Variants in TRPC4 observed in about 807,000 individuals in gnomAD.
TRPC4 encodes transient receptor potential cation channel subfamily C member 4, also known as short transient receptor potential channel 4.
A neutral mutation model predicts 99.4 loss-of-function variants in TRPC4; 49 were observed. That is an observed-to-expected ratio of 0.49 (90% confidence interval 0.39 to 0.63). The LOEUF (loss-of-function observed/expected upper bound fraction) is 0.63, where lower values mean the gene tolerates loss of function less well. Among genes scored for constraint, TRPC4 ranks in the 20% least tolerant of loss-of-function variants. The probability of loss-of-function intolerance (pLI) is 0.00; values close to 1 mark genes in which losing one functional copy is unlikely to be tolerated. For missense variants in TRPC4, 898 were observed against 1,152.9 expected, an observed-to-expected ratio of 0.78 and a Z score of 3.20; for synonymous variants, 454 against 425.9, an observed-to-expected ratio of 1.07 and a Z score of -0.81.
chr13:37,826,323 T>C (rs1958206256), intron 1 of TRPC4, among the ~76,000 whole-genome samples: 1 of 104,970 alleles, frequency 9.5e-6, no homozygotes, highest in Non-Finnish European at 1.9e-5. Context: ...ATTATGATGT[T>C]AGCTGGTGAT....
chr13:37,753,854 A>G (rs1326901072), intron 2 of TRPC4, among the ~76,000 whole-genome samples: 2 of 152,112 alleles, frequency 1.3e-5, no homozygotes, highest in Non-Finnish European at 2.9e-5. Flanking sequence ...ATTAGGGCCA[A>G]TGGCCCTTCC....
In TRPC4 at chr13:37,633,027, G is replaced by C. The variant is rs187935746; in HGVS notation, c.*3876C>G. Among the ~76,000 whole-genome samples, 19 of 152,106 alleles carry C rather than the reference G, an allele frequency of 1.2e-4. No individual in the cohort carries two copies. Among genetic ancestry groups the C allele is most frequent in the Admixed American group, 1.2e-3 (18 of 15,258 alleles). ...CCCAACTTGACCACCAAACACATGG[G>C]TAAATTTAGATAATTTCCATAAATT... On this transcript the variant is annotated 3_prime_UTR_variant, in exon 11 of 11. Transcript: ENST00000379705.
chr13:37,703,829 C>G (rs1954181139), intron 3 of TRPC4, among the ~76,000 whole-genome samples: 1 of 151,870 alleles, frequency 6.6e-6, no homozygotes, highest in Admixed American at 6.6e-5. Context: ...CATTCTTACT[C>G]TAGGCATTTA....
At chr13:37,741,429 A>T (rs935334083) in intron 3 of TRPC4, among the ~76,000 whole-genome samples, 2 of 152,168 alleles carry the variant, frequency 1.3e-5, no homozygotes, top group Admixed American at 1.3e-4. Context: ...TTTTAAGGGT[A>T]TGACTACATG....
At chr13:37,840,964 T>C (rs1259789450) in intron 1 of TRPC4, among the ~76,000 whole-genome samples, 4 of 152,072 alleles carry the variant, frequency 2.6e-5, no homozygotes, top group Admixed American at 1.3e-4. Flanking sequence ...AGTAATTAAT[T>C]CACTTTGAAT....
intron 1 of TRPC4, among the ~76,000 whole-genome samples, chr13:37,827,954 G>A (rs1374236080): frequency 2.0e-5 from 3 of 152,120 alleles, no homozygotes; most frequent in African/African-American, 7.2e-5. Context: ...TCCGAGCCAG[G>A]TGCGGGATAT....
rs117748858 is a variant in TRPC4 at position 37,856,585 on chromosome 13, A to C, written c.-28+13010T>G. 9.0e-3 allele frequency among the ~76,000 whole-genome samples: 1,361 copies of C among 151,674 alleles called. 35 individuals carry two copies. In the East Asian group the frequency reaches 0.1, roughly 11 times the overall value. On this transcript the variant is annotated intron_variant, in intron 1 of 10. Coordinates refer to ENST00000379705, the MANE Select transcript of TRPC4 (RefSeq NM_016179.4). ...GACAAAGACACATTAAAAAAAAAGA[A>C]AACTGCAGGCCAATATCTCTGATGA...
chr13:37,792,146 G>A (rs927923247), intron 1 of TRPC4, among the ~76,000 whole-genome samples: 1 of 152,146 alleles, frequency 6.6e-6, no homozygotes, highest in Non-Finnish European at 1.5e-5. Context: ...CAATAAACCA[G>A]TGAGTTTCAT....
chr13:37,818,351 T>C (rs1957921287), intron 1 of TRPC4, among the ~76,000 whole-genome samples: 1 of 152,020 alleles, frequency 6.6e-6, no homozygotes, highest in Non-Finnish European at 1.5e-5. Context: ...ACACTGTTGG[T>C]GGGAGTGTAA....
intron 3 of TRPC4, among the ~76,000 whole-genome samples, chr13:37,709,113 G>T (rs1399411141): frequency 6.6e-6 from 1 of 151,812 alleles, no homozygotes. Context: ...AAAAACACTG[G>T]GGATGAACTT....
intron 3 of TRPC4, among the ~76,000 whole-genome samples, chr13:37,700,375 T>A (rs1012533969): frequency 6.6e-6 from 1 of 152,166 alleles, no homozygotes; most frequent in Non-Finnish European, 1.5e-5. Context: ...CAGTCTCTAA[T>A]GAGCCACTGA....
chr13:37,704,537 A>G (rs1426081716), intron 3 of TRPC4, among the ~76,000 whole-genome samples: 1 of 152,070 alleles, frequency 6.6e-6, no homozygotes, highest in Non-Finnish European at 1.5e-5. Context: ...AAATACAAAA[A>G]GTAGCCAGAA....
At chr13:37,784,405 G>T (rs765763658) in intron 1 of TRPC4, among the ~76,000 whole-genome samples, 9 of 151,978 alleles carry the variant, frequency 5.9e-5, no homozygotes, top group East Asian at 1.9e-4. Context: ...AATTCACAAA[G>T]GTACTGGAAG....
In TRPC4 at chr13:37,864,723, G is replaced by A. The variant is rs144633765; in HGVS notation, c.-28+4872C>T. Among the ~76,000 whole-genome samples, 379 of 151,606 alleles carry A rather than the reference G, an allele frequency of 2.5e-3. 3 individuals carry two copies. The highest frequency in any genetic ancestry group is 8.7e-3 in the African/African-American group (359 of 41,488). ...ACAGAATATAACAAGCTCTTTGCTT[G>A]TATTTATACTTGGGACATCTGGAGA... On this transcript the variant is annotated intron_variant, in intron 1 of 10. Coordinates refer to ENST00000379705, the MANE Select transcript of TRPC4 (RefSeq NM_016179.4).
chr13:37,706,054 T>G (rs116965063), intron 3 of TRPC4, among the ~76,000 whole-genome samples: 1 of 152,266 alleles, frequency 6.6e-6, no homozygotes, highest in Non-Finnish European at 1.5e-5. Context: ...CATTTACAAT[T>G]GCACCTATCC....
At chr13:37,657,014 A>T (rs1172417336) in intron 6 of TRPC4, among the ~76,000 whole-genome samples, 2 of 152,196 alleles carry the variant, frequency 1.3e-5, no homozygotes, top group Non-Finnish European at 2.9e-5. Flanking sequence ...ATAAGCTGTG[A>T]ATTCTAGTGC....
chr13:37,639,748 T>TATATAC (rs1433739411), intron 8 of TRPC4, among the ~76,000 whole-genome samples: 1 of 150,634 alleles, frequency 6.6e-6, no homozygotes, highest in East Asian at 1.9e-4. Flanking sequence ...TCCAATCATA[T>TATATAC]ATATATATAT....
chr13:37,727,994 C>G (rs1457918985), intron 3 of TRPC4, among the ~76,000 whole-genome samples: 2 of 151,950 alleles, frequency 1.3e-5, no homozygotes, highest in African/African-American at 4.8e-5. Context: ...ATTCAATACC[C>G]TTTCATGATA....
intron 6 of TRPC4, among the ~76,000 whole-genome samples, chr13:37,660,180 A>C (rs181944001): frequency 8.5e-4 from 130 of 152,318 alleles, no homozygotes; most frequent in African/African-American, 3.0e-3. Context: ...AAATTATCAG[A>C]GTATACTTAA....
Sources: gnomAD v4.1 joint callset for allele counts (sites outside exome capture counted in the v4.1 genomes callset) on GRCh38, gnomAD v4.1.1 for gene constraint, MANE v1.5 for transcripts, NCBI Gene and HGNC (gene_info 2026-07-23, HGNC 2026-07-21) for gene names.